The following ARHGAP5 variants were observed in gnomAD, a reference collection of about 807,000 sequenced individuals.
ARHGAP5 encodes Rho GTPase activating protein 5, also known as rho GTPase-activating protein 5.
In ARHGAP5, 23 loss-of-function variants were observed where a neutral mutation model predicts 116.6. That is an observed-to-expected ratio of 0.20 (90% CI 0.14 to 0.28). The LOEUF is 0.28. ARHGAP5 is among the 10% of genes least tolerant of loss of function. The pLI is 1.00. For synonymous variants in ARHGAP5, 574 were observed against 602.0 expected (o/e 0.95, Z 0.68); for missense variants, 1,405 against 1,774.8 (o/e 0.79, Z 3.74).
rs186452772 is a variant in ARHGAP5, at chr14:32,126,558, C to T, written c.3865+9271C>T. On this transcript the variant is annotated intron_variant, in intron 3 of 6. Transcript: ENST00000345122. ...CTAACTACATCTGCAATGATCTATT[C>T]CCAATAAGGTCACCTTCTAAGGTAT... Among the ~76,000 whole-genome samples, 602 of 152,278 alleles carry T rather than the reference C, an allele frequency of 4.0e-3. 2 individuals are homozygous for T. The highest frequency in any genetic ancestry group is 6.8e-3 in the Middle Eastern group (2 of 294).
intron 1 of ARHGAP5, among the ~76,000 whole-genome samples, chr14:32,079,034 AG>A (rs1168068284): frequency 1.3e-5 from 2 of 152,166 alleles, no homozygotes; most frequent in Admixed American, 6.5e-5. Flanking sequence ...CTTTATCTGT[AG>A]TACAAAGAGC....
chr14:32,088,441 A>G (rs1011008143), intron 1 of ARHGAP5, among the ~76,000 whole-genome samples: 11 of 151,890 alleles, frequency 7.2e-5, no homozygotes, highest in Admixed American at 7.2e-4. Context: ...ATATGGAATC[A>G]TTGTGCTGTT....
At position 32,140,207 on chromosome 14, in the gene ARHGAP5, C is replaced by T. The variant is rs550788841; in HGVS notation, c.3866-6056C>T. ...TATGTATACATGTGCCATGCTGGTGCACTGCACCCACTAAATCGTCATCTA... is the reference window on the plus strand; with the variant it reads ...TATGTATACATGTGCCATGCTGGTGTACTGCACCCACTAAATCGTCATCTA... On this transcript the variant is annotated intron_variant, in intron 3 of 6. Coordinates refer to ENST00000345122, the MANE Select transcript of ARHGAP5 (RefSeq NM_001030055.2). Among the ~76,000 whole-genome samples the T allele has an allele frequency of 2.7e-5, 4 of 148,540 alleles. No homozygotes were observed. The Admixed American group carries it at 2.7e-4, about 10-fold the overall frequency.
At chr14:32,084,384 A>C (rs1245966837) in intron 1 of ARHGAP5, among the ~76,000 whole-genome samples, 1 of 152,148 alleles carries the variant, frequency 6.6e-6, no homozygotes, top group Non-Finnish European at 1.5e-5. Flanking sequence ...GGGGAAAAAA[A>C]CTGGACTTTT....
At chr14:32,086,607 A>G (rs2041831870) in intron 1 of ARHGAP5, among the ~76,000 whole-genome samples, 1 of 152,020 alleles carries the variant, frequency 6.6e-6, no homozygotes, top group Non-Finnish European at 1.5e-5. Flanking sequence ...TTTTAAATAT[A>G]TACCTTTTAT....
intron 2 of ARHGAP5, among the ~76,000 whole-genome samples, chr14:32,099,682 G>A (rs987630998): frequency 6.6e-6 from 1 of 152,094 alleles, no homozygotes; most frequent in Non-Finnish European, 1.5e-5. Context: ...ACGGTCCTCT[G>A]CCCATTTGCT....
chr14:32,108,077 A>G (rs1169450617), intron 2 of ARHGAP5, among the ~76,000 whole-genome samples: 13 of 152,208 alleles, frequency 8.5e-5, no homozygotes, highest in Admixed American at 8.5e-4. Flanking sequence ...GAGATCAAGG[A>G]TGAAGAAAAA....
chr14:32,147,652 T>C (rs1881438762), intron 4 of ARHGAP5, among the ~76,000 whole-genome samples: 1 of 152,166 alleles, frequency 6.6e-6, no homozygotes. Flanking sequence ...CCTTGCAGTA[T>C]TGTAAGTTTT....
At chr14:32,111,802 T>G (rs1362421506) in intron 2 of ARHGAP5, among the ~76,000 whole-genome samples, 3 of 151,934 alleles carry the variant, frequency 2.0e-5, no homozygotes, top group South Asian at 4.2e-4. Context: ...TTCTTTCAGT[T>G]TATTTACATT....
intron 2 of ARHGAP5, among the ~76,000 whole-genome samples, chr14:32,101,062 T>G (rs1594354325): frequency 6.6e-6 from 1 of 152,328 alleles, no homozygotes; most frequent in East Asian, 1.9e-4. Context: ...TGATTTTTTA[T>G]TTTTAACTTC....
At chr14:32,140,096 TCTTTTTTTTTTTTTTTTC>T (rs1881036611) in intron 3 of ARHGAP5, among the ~76,000 whole-genome samples, 1 of 131,142 alleles carries the variant, frequency 7.6e-6, no homozygotes, top group Non-Finnish European at 1.6e-5. Flanking sequence ...GGTTATTTGT[TCTTTTTTTTTTTTTTTTC>T]CTTTTTTTTT....
At chr14:32,110,209 T>TAAAAAA (rs563872548) in intron 2 of ARHGAP5, among the ~76,000 whole-genome samples, 2 of 113,970 alleles carry the variant, frequency 1.8e-5, no homozygotes, top group African/African-American at 6.1e-5. Flanking sequence ...GCTGGGGAGA[T>TAAAAAA]AAAAAAAAAA....
intron 3 of ARHGAP5, among the ~76,000 whole-genome samples, chr14:32,131,227 A>G (rs1212789367): frequency 1.4e-5 from 2 of 146,080 alleles, no homozygotes; most frequent in Non-Finnish European, 3.0e-5. Context: ...AGCAAGAATC[A>G]TGTATTACTT....
At chr14:32,106,714 C>T (rs1594358739) in intron 2 of ARHGAP5, among the ~76,000 whole-genome samples, 1 of 152,104 alleles carries the variant, frequency 6.6e-6, no homozygotes, top group Admixed American at 6.6e-5. Flanking sequence ...TTATTCATTC[C>T]CACACGTACT....
At chr14:32,121,884 A>G (rs1471335990) in intron 3 of ARHGAP5, among the ~76,000 whole-genome samples, 2 of 152,200 alleles carry the variant, frequency 1.3e-5, no homozygotes, top group South Asian at 2.1e-4. Context: ...ATAGTTTTCA[A>G]GTTATTCATG....
rs1026460778 is a variant in ARHGAP5, at chr14:32,079,341, C to A, written c.-169+1906C>A. On this transcript the variant is annotated intron_variant, in intron 1 of 6. Transcript: ENST00000345122. Reference sequence around the variant, plus strand: ...GGGTTACACTTTGATGTAAGAATTGCGGCAGAATTCTGTTATCTTTATGAG... The same window carrying A: ...GGGTTACACTTTGATGTAAGAATTGAGGCAGAATTCTGTTATCTTTATGAG... Among the ~76,000 whole-genome samples, 12 of 152,154 alleles carry A rather than the reference C, an allele frequency of 7.9e-5. 1 individual carries two copies. The South Asian group carries it at 2.5e-3, about 32-fold the overall frequency.
At chr14:32,130,124 C>T (rs577708476) in intron 3 of ARHGAP5, among the ~76,000 whole-genome samples, 1 of 151,004 alleles carries the variant, frequency 6.6e-6, no homozygotes. Context: ...TATATGACCA[C>T]ATATCTTAAG....
chr14:32,087,261 G>T (rs2139006721), intron 1 of ARHGAP5, among the ~76,000 whole-genome samples: 1 of 151,906 alleles, frequency 6.6e-6, no homozygotes, highest in Non-Finnish European at 1.5e-5. Flanking sequence ...TGATCTGGTT[G>T]TAAGGGGCCA....
chr14:32,100,373 G>C (rs529072734), intron 2 of ARHGAP5, among the ~76,000 whole-genome samples: 59 of 151,980 alleles, frequency 3.9e-4, no homozygotes, highest in Non-Finnish European at 1.3e-4. Context: ...CTAATTTTTT[G>C]TTGTCATAGA....
Sources: allele counts gnomAD v4.1 joint callset (sites outside exome capture counted in the v4.1 genomes callset), GRCh38; gene constraint gnomAD v4.1.1; transcripts MANE v1.5; gene names NCBI Gene and HGNC (gene_info 2026-07-23, HGNC 2026-07-21).